Variants in KMO observed in about 807,000 individuals in gnomAD.
KMO encodes the protein kynurenine 3-hydroxylase.
KMO carries 24 observed loss-of-function variants against 57.8 expected under a neutral mutation model. The observed-to-expected ratio is 0.42, with a 90% confidence interval of 0.30 to 0.58. The LOEUF (loss-of-function observed/expected upper bound fraction) is 0.58, where lower values mean the gene tolerates loss of function less well. KMO is among the 20% of genes least tolerant of loss of function. KMO has a pLI of 0.22. For missense variants in KMO, 483 were observed against 588.2 expected, an observed-to-expected ratio of 0.82 and a Z score of 1.85; for synonymous variants, 210 against 193.6, an observed-to-expected ratio of 1.08 and a Z score of -0.70.
chr1:241,561,692 A>G (rs1248169779), intron 6 of KMO, among the ~76,000 whole-genome samples: 1 of 152,228 alleles, frequency 6.6e-6, no homozygotes, highest in Admixed American at 6.5e-5. Context: ...TGCCAGAATA[A>G]TGTTTTAAAA....
chr1:241,533,416 T>C (rs1212313257), intron 1 of KMO, among the ~76,000 whole-genome samples: 2 of 152,256 alleles, frequency 1.3e-5, no homozygotes, highest in Non-Finnish European at 2.9e-5. Context: ...CATGTATTTA[T>C]ACAGTATATG....
Position 241,566,532 on chromosome 1 carries a change from GTT to G in KMO, c.731_732del (p.Phe244Ter). The G allele has an allele frequency of 6.2e-7, 1 of 1,613,740 alleles. No individual in the cohort carries two copies. Among genetic ancestry groups the G allele is most frequent in the Non-Finnish European group, 8.5e-7 (1 of 1,179,722 alleles). On this transcript the variant is annotated frameshift_variant, in exon 9 of 15. Transcript: ENST00000366559. LOFTEE classifies it high-confidence loss of function. ...TCTLFMPFEE[F>X]EKLLTSNDVV... ...GTACTTTGTTCATGCCCTTTGAAGA[GTT>G]TGAAAAACTTCTAACCAGTAATGAT...
intron 10 of KMO, among the ~76,000 whole-genome samples, chr1:241,570,583 A>G (rs2147969000): frequency 6.6e-6 from 1 of 152,096 alleles, no homozygotes; most frequent in East Asian, 1.9e-4. Flanking sequence ...AAATTGAGTC[A>G]ATGCTAAAAT....
intron 9 of KMO, among the ~76,000 whole-genome samples, chr1:241,568,255 A>C (rs1006695893): frequency 6.6e-6 from 1 of 152,336 alleles, no homozygotes; most frequent in East Asian, 1.9e-4. Context: ...GAAATACTTA[A>C]ATTATTCAAA....
chr1:241,560,613 G>A, intron 5 of KMO, 52 bp from the exon 6 acceptor site: 1 of 1,231,004 alleles, frequency 8.1e-7, no homozygotes, highest in Non-Finnish European at 1.2e-6. Flanking sequence ...TTGATTAAGT[G>A]AAGTAAGAAT....
chr1:241,562,272 C>T lies in KMO; in HGVS notation c.555C>T (p.Tyr185=). The change falls in exon 7 of 15, where the codon TAC becomes TAT. Residue 185 remains tyrosine (Y), a synonymous_variant. Coordinates refer to ENST00000366559, the MANE Select transcript of KMO (RefSeq NM_003679.5). ...TGATGAAGAAACCTCGCTTTGATTA[C>T]AGTCAGCAGTACATTCCTCATGGGT... ...SHLMKKPRFD[Y]SQQYIPHGYM... 1.2e-6 allele frequency: 2 copies of T among 1,614,168 alleles called. No homozygotes were observed. The highest frequency in any genetic ancestry group is 1.7e-6 in the Non-Finnish European group (2 of 1,179,976).
Position 241,594,101 on chromosome 1 carries a change from A to G in KMO, c.*1948A>G. 3.8e-6 allele frequency: 1 copy of G among 260,876 alleles called. No homozygotes were observed. The allele number at this position is 260,876 out of a possible 1,614,324, so 16.2% of individuals were successfully genotyped here. On this transcript the variant is annotated 3_prime_UTR_variant, in exon 15 of 15. Transcript: ENST00000366559. Reference sequence around the variant, plus strand: ...TTACAGTAAGGTATTTTCGAGAAAAATGCATTACGTGTTTTGGAAAATAGA... The same window carrying G: ...TTACAGTAAGGTATTTTCGAGAAAAGTGCATTACGTGTTTTGGAAAATAGA...
chr1:241,541,242 C>A (rs1216073262), intron 1 of KMO, among the ~76,000 whole-genome samples: 2 of 152,192 alleles, frequency 1.3e-5, no homozygotes, highest in East Asian at 3.9e-4. Context: ...TGAAGAGGAA[C>A]AATCAATAGG....
intron 1 of KMO, among the ~76,000 whole-genome samples, chr1:241,547,497 G>C (rs1268505697): frequency 1.3e-5 from 2 of 151,532 alleles, no homozygotes; most frequent in African/African-American, 2.4e-5. Flanking sequence ...CAGACACTTG[G>C]TGAAAGAGGA....
intron 14 of KMO, 179 bp downstream of exon 14, chr1:241,590,442 A>G: frequency 1.8e-6 from 1 of 548,768 alleles, no homozygotes; most frequent in Non-Finnish European, 3.2e-6. Flanking sequence ...AAACATTACA[A>G]GGAGGTGGCA....
At chr1:241,537,872 T>C (rs113249571) in intron 1 of KMO, among the ~76,000 whole-genome samples, 3,741 of 152,054 alleles carry the variant, frequency 0.025, 68 homozygotes, top group Middle Eastern at 0.11. Context: ...CCACAACACA[T>C]GAGGATTATG....
At chr1:241,545,047 T>C (rs911515188) in intron 1 of KMO, among the ~76,000 whole-genome samples, 14 of 152,302 alleles carry the variant, frequency 9.2e-5, no homozygotes, top group African/African-American at 2.9e-4. Context: ...GTCCCTAAAA[T>C]TTAGCAGATT....
chr1:241,553,275 G>A (rs1573913128), intron 4 of KMO, among the ~76,000 whole-genome samples: 1 of 152,320 alleles, frequency 6.6e-6, no homozygotes, highest in East Asian at 1.9e-4. Context: ...ATATAATACT[G>A]TCCAAAGATA....
intron 10 of KMO, among the ~76,000 whole-genome samples, chr1:241,586,070 GA>G (rs1662967963): frequency 6.6e-6 from 1 of 151,084 alleles, no homozygotes; most frequent in Admixed American, 6.6e-5. Flanking sequence ...TCTTCTCAAA[GA>G]AGTAATGGAA....
At chr1:241,560,896 T>C in intron 6 of KMO, 144 bp downstream of exon 6, 3 of 646,470 alleles carry the variant, frequency 4.6e-6, no homozygotes, top group Middle Eastern at 2.5e-4. Context: ...TCAAGGAATT[T>C]TAGATTGCAA....
chr1:241,568,340 A>T (rs1429450917), intron 9 of KMO, among the ~76,000 whole-genome samples, 160 bp from the exon 10 acceptor site: 1 of 152,228 alleles, frequency 6.6e-6, no homozygotes, highest in Non-Finnish European at 1.5e-5. Flanking sequence ...ATGGAATTTT[A>T]GGACTGGAAA....
intron 10 of KMO, among the ~76,000 whole-genome samples, chr1:241,574,089 C>G (rs985280892): frequency 6.6e-6 from 1 of 152,040 alleles, no homozygotes; most frequent in Non-Finnish European, 1.5e-5. Flanking sequence ...CAGTGTATAG[C>G]AACGCTACTG....
chr1:241,583,396 C>A (rs76838013), intron 10 of KMO, among the ~76,000 whole-genome samples: 1 of 152,338 alleles, frequency 6.6e-6, no homozygotes, highest in African/African-American at 2.4e-5. Flanking sequence ...AAATTCCCTT[C>A]TGCCCCAGGG....
At position 241,562,245 on chromosome 1, in the gene KMO, C is replaced by T. The variant is rs747477027; in HGVS notation, c.528C>T (p.His176=). The change falls in exon 7 of 15, where the codon CAC becomes CAT. Residue 176 remains histidine, a synonymous_variant. Coordinates refer to ENST00000366559, the MANE Select transcript of KMO (RefSeq NM_003679.5). ...CDGAYSTVRS[H]LMKKPRFDYS... ...GAGCCTATTCAACTGTCAGATCTCA[C>T]CTGATGAAGAAACCTCGCTTTGATT... 4 of 1,614,010 alleles carry T rather than the reference C, an allele frequency of 2.5e-6. No individual in the cohort carries two copies. The highest frequency in any genetic ancestry group is 1.6e-4 in the Middle Eastern group (1 of 6,082).
Sources: gnomAD v4.1 joint callset for allele counts (sites outside exome capture counted in the v4.1 genomes callset) on GRCh38, gnomAD v4.1.1 for gene constraint, MANE v1.5 for transcripts, NCBI Gene and HGNC (gene_info 2026-07-23, HGNC 2026-07-21) for gene names.